The following NUP188 variants were observed in gnomAD, a reference collection of about 807,000 sequenced individuals.
The protein encoded by NUP188 is nucleoporin 188, also known as nucleoporin NUP188.
A neutral mutation model predicts 223.0 loss-of-function variants in NUP188; 97 were observed. The ratio of observed to expected loss-of-function variants is 0.43; its 90% confidence interval spans 0.37 to 0.51. The LOEUF is 0.51. NUP188 is among the 20% of genes least tolerant of loss of function. The probability of loss-of-function intolerance (pLI) is 0.00; values close to 1 mark genes in which losing one functional copy is unlikely to be tolerated. For missense variants in NUP188, 1,947 were observed against 2,175.6 expected (o/e 0.89, Z 2.09); for synonymous variants, 869 against 828.0 (o/e 1.05, Z -0.85).
rs978699253 is a variant in NUP188 at position 129,006,639 on chromosome 9, C to G, written c.5211C>G (p.Ile1737Met). The change falls in exon 44 of 44, where the codon ATC becomes ATG. Residue 1737 changes from isoleucine (I) to methionine (M), a missense_variant. Transcript: ENST00000372577. ...KASPESQEPL[I>M]QLVQAFVRHM... is the part of the protein sequence containing the mutation. ...GCCCTGAGAGTCAGGAGCCTCTGAT[C>G]CAGTTGGTGCAGGCGTTTGTCCGGC... is the stretch of plus-strand genomic sequence containing the variant. 6 of 1,613,994 alleles carry G rather than the reference C, an allele frequency of 3.7e-6. No individual in the cohort carries two copies. The African/African-American group carries it at 6.7e-5, about 18-fold the overall frequency.
intron 40 of NUP188, 36 bp from the exon 41 acceptor site, chr9:129,005,609 A>T (rs372671693): frequency 2.5e-6 from 4 of 1,611,242 alleles, no homozygotes; most frequent in Non-Finnish European, 8.5e-7. Flanking sequence ...CTGGGGCCTT[A>T]ATTGGGTCCT....
Position 128,996,960 on chromosome 9 carries a change from TAG to T in NUP188, c.3352-1186_3352-1185del, listed in dbSNP as rs3983779. On this transcript the variant is annotated intron_variant, in intron 30 of 43. Transcript: ENST00000372577. ...AAGGCAGATAAGATCTTTGATCGCATAGAGAGTGCCCTATGATGGAGGAGGTA... is the reference window on the plus strand; with the variant it reads ...AAGGCAGATAAGATCTTTGATCGCATAGAGTGCCCTATGATGGAGGAGGTA... 2.3e-3 allele frequency among the ~76,000 whole-genome samples: 357 copies of T among 152,362 alleles called. 1 individual carries two copies. Among genetic ancestry groups the T allele is most frequent in the Non-Finnish European group, 3.4e-3 (228 of 68,028 alleles).
chr9:128,956,206 T>TGC (rs1841867887), intron 3 of NUP188, 144 bp from the exon 4 acceptor site: 2 of 463,602 alleles, frequency 4.3e-6, no homozygotes, highest in Non-Finnish European at 3.8e-6. Flanking sequence ...TGTGTGTGTG[T>TGC]GTGTGCGTGT....
chr9:128,967,739 A>C (rs962770992), intron 8 of NUP188, among the ~76,000 whole-genome samples: 1 of 152,036 alleles, frequency 6.6e-6, no homozygotes, highest in African/African-American at 2.4e-5. Flanking sequence ...GCAGTGAGCC[A>C]AGATCGCGCC....
At chr9:128,994,536 C>G in intron 28 of NUP188, 94 bp downstream of exon 28, 1 of 837,104 alleles carries the variant, frequency 1.2e-6, no homozygotes. Context: ...GATACCTCCC[C>G]TAATTAAACA....
chr9:128,993,070 A>G (rs1588287111), intron 25 of NUP188, 127 bp from the exon 26 acceptor site: 1 of 735,766 alleles, frequency 1.4e-6, no homozygotes, highest in Non-Finnish European at 2.4e-6. Flanking sequence ...CTTTTAGCCC[A>G]GAGCTGTAGT....
rs538615257 is a variant in NUP188, at chr9:128,961,940, C to CT, written c.585+2820dup. ...TGCCCGGCCTAGGACATACCATACT[C>CT]TTTTTTTTTTTTTTGGACGGAGTTT... is the stretch of plus-strand genomic sequence containing the variant. On this transcript the variant is annotated intron_variant, in intron 8 of 43. Transcript: ENST00000372577. Among the ~76,000 whole-genome samples, 505 of 106,686 alleles carry CT rather than the reference C, an allele frequency of 4.7e-3. 10 individuals carry two copies. The East Asian group carries it at 0.053, about 11-fold the overall frequency. The allele number at this position is 106,686 out of a possible 152,430, so 70.0% of individuals were successfully genotyped here. A position where few individuals can be genotyped will look rare whatever the true frequency, so the allele number is the denominator to read the frequency against.
rs758061825 is a variant in NUP188 at position 128,993,346 on chromosome 9, A to G, written c.2790A>G (p.Pro930=). 6 of 1,614,098 alleles carry G rather than the reference A, an allele frequency of 3.7e-6. No individual in the cohort carries two copies. Among genetic ancestry groups the G allele is most frequent in the Non-Finnish European group, 5.1e-6 (6 of 1,180,034 alleles). The change falls in exon 26 of 44, where the codon CCA becomes CCG. Residue 930 remains proline (P), a synonymous_variant. Transcript: ENST00000372577. ...EFLTVAVETQ[P]GLIELFLNLE... ...TCACTGTTGCAGTAGAGACCCAGCC[A>G]GGCCTCATCGAACTGTTTCTGAACC...
chr9:128,989,475 C>T (rs568746873), intron 24 of NUP188, among the ~76,000 whole-genome samples: 49 of 151,628 alleles, frequency 3.2e-4, no homozygotes, highest in African/African-American at 5.3e-4. Flanking sequence ...CCGAGGTGGG[C>T]GGATCACGAG....
At position 128,993,674 on chromosome 9, in the gene NUP188, C is replaced by T. The variant is rs1251777309; in HGVS notation, c.2997C>T (p.Ala999=). The T allele has an allele frequency of 6.2e-7, 1 of 1,614,152 alleles. No homozygotes were observed. The highest frequency in any genetic ancestry group is 1.7e-5 in the Admixed American group (1 of 60,020). Residue 999 remains alanine (A), a synonymous_variant, in exon 27 of 44, where the codon GCC becomes GCT. Coordinates refer to ENST00000372577, the MANE Select transcript of NUP188 (RefSeq NM_015354.3). ...HALWQDRRDS[A]MLVLRTKPKF... The stretch of plus-strand genomic sequence containing the variant: ...TGTGGCAGGATCGGAGGGACAGTGC[C>T]ATGCTGGTCCTCCGAACCAAGTAAG...
intron 8 of NUP188, among the ~76,000 whole-genome samples, chr9:128,959,526 TC>T (rs1437074894): frequency 6.7e-6 from 1 of 148,630 alleles, no homozygotes; most frequent in East Asian, 2.0e-4. Context: ...ATACAGATTA[TC>T]TTTTTTTTTT....
Position 129,005,538 on chromosome 9 carries a change from CCAT to C in NUP188, c.4737+13_4737+15del. Reference sequence around the variant, plus strand: ...CAGATTCTGCTGGATCAGGTACTGCCCATCATCTGTTCAGCACCACCTCCCCTA... The same window carrying C: ...CAGATTCTGCTGGATCAGGTACTGCCCATCTGTTCAGCACCACCTCCCCTA... On this transcript the variant is annotated intron_variant, in intron 40 of 43. Coordinates refer to ENST00000372577, the MANE Select transcript of NUP188 (RefSeq NM_015354.3). 1 of 1,608,774 alleles carries C rather than the reference CCAT, an allele frequency of 6.2e-7. No individual in the cohort carries two copies. The highest frequency in any genetic ancestry group is 1.7e-4 in the Middle Eastern group (1 of 6,060).
chr9:128,951,959 ATTTTGTAT>A (rs1841794766), intron 2 of NUP188, among the ~76,000 whole-genome samples: 1 of 151,964 alleles, frequency 6.6e-6, no homozygotes, highest in African/African-American at 2.4e-5. Flanking sequence ...CGCCCAGCTA[ATTTTGTAT>A]TTTTTAGTAG....
chr9:128,979,152 C>T (rs966784657), intron 12 of NUP188, 110 bp from the exon 13 acceptor site: 36 of 725,052 alleles, frequency 5.0e-5, no homozygotes, highest in Non-Finnish European at 7.3e-5. Context: ...GGTCTTCCCA[C>T]TTTAGTGTTT....
At chr9:128,960,017 T>C (rs1350694754) in intron 8 of NUP188, among the ~76,000 whole-genome samples, 2 of 151,868 alleles carry the variant, frequency 1.3e-5, no homozygotes, top group African/African-American at 4.8e-5. Flanking sequence ...ATCATCTTAT[T>C]ATTTTCTGCT....
At chr9:128,955,461 T>C (rs1396882240) in intron 3 of NUP188, among the ~76,000 whole-genome samples, 1 of 152,166 alleles carries the variant, frequency 6.6e-6, no homozygotes, top group African/African-American at 2.4e-5. Context: ...CATGAGCCAT[T>C]GTTCTGGCCC....
At position 128,999,821 on chromosome 9, in the gene NUP188, A is replaced by G. The variant is rs981937262; in HGVS notation, c.3843+16A>G. ...GCGTGATGGGGTGAGACAGTGCCCT[A>G]GAAGGCCATCCGTCCTTTCCACTGC... On this transcript the variant is annotated intron_variant, in intron 34 of 43. Coordinates refer to ENST00000372577, the MANE Select transcript of NUP188 (RefSeq NM_015354.3). 2.5e-6 allele frequency: 4 copies of G among 1,613,036 alleles called. No homozygotes were observed. Among genetic ancestry groups the G allele is most frequent in the South Asian group, 2.2e-5 (2 of 91,038 alleles).
intron 34 of NUP188, 115 bp downstream of exon 34, chr9:128,999,920 G>A (rs757803108): frequency 1.5e-5 from 15 of 968,688 alleles, no homozygotes; most frequent in African/African-American, 4.8e-5. Flanking sequence ...TGGAGTTCAC[G>A]GCCTGGTGGG....
intron 13 of NUP188, among the ~76,000 whole-genome samples, chr9:128,979,851 C>G (rs573025424): frequency 6.6e-6 from 1 of 152,174 alleles, no homozygotes; most frequent in Non-Finnish European, 1.5e-5. Context: ...CCAGGCTGGT[C>G]TCGATCTCCT....
Sources: allele counts gnomAD v4.1 joint callset (sites outside exome capture counted in the v4.1 genomes callset), GRCh38; gene constraint gnomAD v4.1.1; transcripts MANE v1.5; gene names NCBI Gene and HGNC (gene_info 2026-07-23, HGNC 2026-07-21).